Variants in KCNIP4 observed in about 807,000 individuals in gnomAD.
The protein encoded by KCNIP4 is potassium voltage-gated channel interacting protein 4.
Under a neutral mutation model 34.0 loss-of-function variants are expected in KCNIP4, and 12 were observed. The observed-to-expected ratio is 0.35, with a 90% CI of 0.23 to 0.57. The LOEUF is 0.57. Ranked by LOEUF, KCNIP4 falls within the 20% of genes least tolerant of loss-of-function variation. The pLI, the probability that KCNIP4 is intolerant of heterozygous loss-of-function variation, is 0.83. For missense variants in KCNIP4, 238 were observed against 311.7 expected (o/e 0.76, Z 1.78); for synonymous variants, 124 against 102.2 (o/e 1.21, Z -1.29).
At chr4:21,839,587 C>T (rs561948863) in intron 1 of KCNIP4, among the ~76,000 whole-genome samples, 4 of 152,136 alleles carry the variant, frequency 2.6e-5, no homozygotes, top group South Asian at 4.2e-4. Flanking sequence ...AATACTGTCT[C>T]TACTAAAAAT....
intron 1 of KCNIP4, among the ~76,000 whole-genome samples, chr4:20,929,748 C>T (rs1384100647): frequency 6.6e-6 from 1 of 151,784 alleles, no homozygotes; most frequent in African/African-American, 2.4e-5. Context: ...AACAACATAT[C>T]TGAAAAAGAC....
At chr4:21,197,965 CA>C (rs2109365386) in intron 1 of KCNIP4, among the ~76,000 whole-genome samples, 1 of 152,174 alleles carries the variant, frequency 6.6e-6, no homozygotes, top group South Asian at 2.1e-4. Flanking sequence ...ACTTATTTAA[CA>C]ACTTCATTTG....
At chr4:21,714,785 G>GATATTTTATTTTATTTTATTTT (rs1553923853) in intron 1 of KCNIP4, among the ~76,000 whole-genome samples, 2 of 43,388 alleles carry the variant, frequency 4.6e-5, no homozygotes, top group Non-Finnish European at 7.1e-5. Context: ...ATTTCCCTTT[G>GATATTTTATTTTATTTTATTTT]ATTATTTTAT....
chr4:21,812,697 C>T (rs1311295687), intron 1 of KCNIP4, among the ~76,000 whole-genome samples: 6 of 152,136 alleles, frequency 3.9e-5, no homozygotes, highest in Admixed American at 3.3e-4. Context: ...TAGCATCACA[C>T]CATATGATAG....
At chr4:21,451,270 CA>C (rs1728487498) in intron 1 of KCNIP4, among the ~76,000 whole-genome samples, 1 of 152,078 alleles carries the variant, frequency 6.6e-6, no homozygotes, top group Non-Finnish European at 1.5e-5. Flanking sequence ...CTGAGAATAG[CA>C]GCAGCATAAG....
intron 1 of KCNIP4, among the ~76,000 whole-genome samples, chr4:21,352,065 C>A (rs528802170): frequency 6.6e-6 from 1 of 152,078 alleles, no homozygotes; most frequent in Non-Finnish European, 1.5e-5. Flanking sequence ...CATGACCCTA[C>A]GAATAGCCCT....
intron 1 of KCNIP4, among the ~76,000 whole-genome samples, chr4:21,862,442 G>A (rs1725130862): frequency 6.6e-6 from 1 of 152,214 alleles, no homozygotes. Flanking sequence ...GAATACATAA[G>A]TAAAATACAA....
intron 1 of KCNIP4, among the ~76,000 whole-genome samples, chr4:21,483,522 G>A (rs1450606795): frequency 2.0e-5 from 3 of 152,064 alleles, no homozygotes; most frequent in Non-Finnish European, 2.9e-5. Flanking sequence ...GGGCGTGGTG[G>A]TGCACGCCTG....
intron 3 of KCNIP4, among the ~76,000 whole-genome samples, chr4:20,764,892 G>A (rs577733032): frequency 1.3e-5 from 2 of 152,084 alleles, no homozygotes; most frequent in African/African-American, 2.4e-5. Context: ...CAATCACAGC[G>A]GTTTATTGAG....
At chr4:20,986,968 C>T (rs140175247) in intron 1 of KCNIP4, among the ~76,000 whole-genome samples, 1 of 152,154 alleles carries the variant, frequency 6.6e-6, no homozygotes, top group Non-Finnish European at 1.5e-5. Context: ...CGGATCGAAT[C>T]TGCTGGCTCC....
At chr4:21,388,475 C>A (rs1209035872) in intron 1 of KCNIP4, among the ~76,000 whole-genome samples, 1 of 151,846 alleles carries the variant, frequency 6.6e-6, no homozygotes, top group Non-Finnish European at 1.5e-5. Context: ...AGATTATTAT[C>A]TTTTTATCTT....
At chr4:20,987,086 G>A (rs1424730811) in intron 1 of KCNIP4, among the ~76,000 whole-genome samples, 1 of 152,126 alleles carries the variant, frequency 6.6e-6, no homozygotes, top group Non-Finnish European at 1.5e-5. Flanking sequence ...AGGGAAGCAG[G>A]GGACATCTGG....
At position 21,177,878 on chromosome 4, in the gene KCNIP4, A is replaced by AT. The variant is rs397839047; in HGVS notation, c.62-295170_62-295169insA. ...AAAAATTATATATATATATATATAT[A>AT]AAATATAACATTTAAAAAGAAAAAT... On this transcript the variant is annotated intron_variant, in intron 1 of 8. Transcript: ENST00000382152. Among the ~76,000 whole-genome samples the AT allele has an allele frequency of 1.1e-3, 161 of 145,246 alleles. 2 individuals are homozygous for AT. The highest frequency in any genetic ancestry group is 4.0e-3 in the African/African-American group (153 of 37,832).
chr4:21,332,609 T>C (rs1293193444), intron 1 of KCNIP4, among the ~76,000 whole-genome samples: 1 of 152,028 alleles, frequency 6.6e-6, no homozygotes, highest in Non-Finnish European at 1.5e-5. Context: ...ATTCCACTTT[T>C]TCTATCTCCA....
At chr4:21,648,002 T>C (rs59189161) in intron 1 of KCNIP4, among the ~76,000 whole-genome samples, 2,650 of 150,582 alleles carry the variant, frequency 0.018, 89 homozygotes, top group African/African-American at 0.062. Flanking sequence ...GCCTCCCTAG[T>C]AGCTGGGACT....
intron 1 of KCNIP4, among the ~76,000 whole-genome samples, chr4:21,352,299 G>A (rs1210849637): frequency 2.0e-5 from 3 of 152,190 alleles, no homozygotes; most frequent in African/African-American, 4.8e-5. Context: ...AGCCCACGGA[G>A]GGCAAGCCAA....
At chr4:21,623,655 G>GTT (rs544835922) in intron 1 of KCNIP4, among the ~76,000 whole-genome samples, 17 of 152,214 alleles carry the variant, frequency 1.1e-4, no homozygotes, top group African/African-American at 4.1e-4. Context: ...GGAAGCTACA[G>GTT]TTTTCAGACC....
At chr4:21,762,783 T>C (rs1211289973) in intron 1 of KCNIP4, 1 of 489,748 alleles carries the variant, frequency 2.0e-6, no homozygotes, top group African/African-American at 2.0e-5. Context: ...ATCAAAACCA[T>C]CTTCCAGTCA....
At chr4:21,630,885 A>C (rs1218231378) in intron 1 of KCNIP4, among the ~76,000 whole-genome samples, 1 of 152,096 alleles carries the variant, frequency 6.6e-6, no homozygotes, top group African/African-American at 2.4e-5. Flanking sequence ...TACTCTCCTC[A>C]CACCTACTTT....
Sources: allele counts gnomAD v4.1 joint callset (sites outside exome capture counted in the v4.1 genomes callset), GRCh38; gene constraint gnomAD v4.1.1; transcripts MANE v1.5; gene names NCBI Gene and HGNC (gene_info 2026-07-23, HGNC 2026-07-21).